Variants in FAM83A observed in about 807,000 individuals in gnomAD.
FAM83A encodes scaffolding CK1 anchoring protein A.
In FAM83A, 21 loss-of-function variants were observed where a neutral mutation model predicts 24.4. That is an observed-to-expected ratio of 0.86 (90% CI 0.61 to 1.24). The LOEUF is 1.24. Among genes scored for constraint, FAM83A ranks in the 50% most tolerant of loss-of-function variants. FAM83A has a pLI of 0.00. For missense variants in FAM83A, 617 were observed against 579.8 expected, an observed-to-expected ratio of 1.06 and a Z score of -0.66; for synonymous variants, 270 against 252.4, an observed-to-expected ratio of 1.07 and a Z score of -0.66.
At chr8:123,181,857 C>G, upstream of FAM83A, 1 of 348,740 alleles carries the variant, frequency 2.9e-6, no homozygotes, top group Non-Finnish European at 5.8e-6. Context: ...ACCACTTGTA[C>G]TGAAATCCTA....
Position 123,209,264 on chromosome 8 carries a change from C to A in FAM83A, c.*1576C>A. 1 of 1,284,684 alleles carries A rather than the reference C, an allele frequency of 7.8e-7. No individual in the cohort carries two copies. The highest frequency in any genetic ancestry group is 9.8e-7 in the Non-Finnish European group (1 of 1,023,338). The allele number at this position is 1,284,684 out of a possible 1,614,324, so 79.6% of individuals were successfully genotyped here. On this transcript the variant is annotated 3_prime_UTR_variant, in exon 4 of 4. Transcript: ENST00000690554. This position sits in a 1 kb window ranked among gnomAD's most constrained non-coding sequence, Gnocchi z 4.7. ...CCTCCTGGTGGCCTCTGACCCCTGA[C>A]GGCCTGTGGCATCCTCCCTAGTCCC...
At chr8:123,195,178 G>C (rs746113845) in intron 3 of FAM83A, among the ~76,000 whole-genome samples, 1 of 152,144 alleles carries the variant, frequency 6.6e-6, no homozygotes, top group African/African-American at 2.4e-5. Flanking sequence ...AGGGCAACTG[G>C]TTACATCTTT....
intron 3 of FAM83A, among the ~76,000 whole-genome samples, chr8:123,203,480 C>T (rs1056055961): frequency 1.4e-5 from 2 of 146,208 alleles, no homozygotes; most frequent in Non-Finnish European, 3.0e-5. Flanking sequence ...CCCAACTACT[C>T]GGGAGGCTGA....
intron 1 of FAM83A, among the ~76,000 whole-genome samples, chr8:123,185,224 G>T (rs546982769): frequency 3.3e-5 from 5 of 152,148 alleles, no homozygotes; most frequent in African/African-American, 1.2e-4. Context: ...CTCCTATGCC[G>T]GACTAAAGTC....
intron 3 of FAM83A, among the ~76,000 whole-genome samples, chr8:123,198,931 G>A (rs1213848132): frequency 1.3e-5 from 2 of 152,052 alleles, no homozygotes; most frequent in Non-Finnish European, 2.9e-5. Context: ...TAGAGACGGG[G>A]GTTTCACTGT....
intron 1 of FAM83A, 68 bp downstream of exon 1, chr8:123,183,404 G>A (rs1823683101): frequency 6.5e-7 from 1 of 1,544,918 alleles, no homozygotes; most frequent in Non-Finnish European, 8.7e-7. Flanking sequence ...ATAGAGCAGG[G>A]AGGGGGGTGC....
At chr8:123,180,141 C>A (rs1025240090), upstream of FAM83A, 2 of 152,150 alleles carry the variant, frequency 1.3e-5, no homozygotes, top group Admixed American at 1.3e-4. Flanking sequence ...GTACAGACAG[C>A]CAGCATGCAG....
chr8:123,188,193 T>C (rs1823865516), intron 1 of FAM83A, among the ~76,000 whole-genome samples: 1 of 151,952 alleles, frequency 6.6e-6, no homozygotes, highest in Non-Finnish European at 1.5e-5. Flanking sequence ...CAGGCATTCC[T>C]GGTTCATGGC....
intron 3 of FAM83A, among the ~76,000 whole-genome samples, chr8:123,195,085 C>G (rs1341847036): frequency 2.6e-5 from 4 of 152,004 alleles, no homozygotes; most frequent in African/African-American, 9.7e-5. Flanking sequence ...AATGAGAGAG[C>G]AATTGAGGAA....
chr8:123,185,949 C>A (rs372784038), intron 1 of FAM83A, among the ~76,000 whole-genome samples: 352 of 152,182 alleles, frequency 2.3e-3, no homozygotes, highest in African/African-American at 8.1e-3. Context: ...TGCCACCGCA[C>A]CAGGCTAATT....
chr8:123,187,357 G>A (rs933266384), intron 1 of FAM83A, among the ~76,000 whole-genome samples: 4 of 152,132 alleles, frequency 2.6e-5, no homozygotes, highest in African/African-American at 9.7e-5. Context: ...CTTATCCCAT[G>A]TGGGGCTGGA....
In FAM83A at chr8:123,189,643, A is replaced by G. The variant is rs137874016; in HGVS notation, c.481-2160A>G. Reference sequence around the variant, plus strand: ...GAAAGACTAATCAGAAACTCAAAAGAATGCAACAGTTTTTGTCTTACTTAT... The same window carrying G: ...GAAAGACTAATCAGAAACTCAAAAGGATGCAACAGTTTTTGTCTTACTTAT... On this transcript the variant is annotated intron_variant, in intron 1 of 3. Transcript: ENST00000690554. 1.8e-3 allele frequency among the ~76,000 whole-genome samples: 276 copies of G among 152,258 alleles called. 1 individual carries two copies. Among genetic ancestry groups the G allele is most frequent in the African/African-American group, 6.3e-3 (263 of 41,562 alleles).
At chr8:123,181,327 T>C (rs901744333), upstream of FAM83A, among the ~76,000 whole-genome samples, 13 of 152,158 alleles carry the variant, frequency 8.5e-5, no homozygotes, top group African/African-American at 2.9e-4. Flanking sequence ...CAGGTGTTCA[T>C]AGCTGTTTTT....
At chr8:123,181,519 A>T (rs1008053651), upstream of FAM83A, 1 of 154,300 alleles carries the variant, frequency 6.5e-6, no homozygotes, top group African/African-American at 2.4e-5. Context: ...TGCCTGTAGC[A>T]CCTGACACTG....
In FAM83A at chr8:123,209,315, A is replaced by G; in HGVS notation, c.*1627A>G. The G allele has an allele frequency of 7.1e-7, 1 of 1,405,470 alleles. No individual in the cohort carries two copies. 87.1% of individuals were successfully genotyped at this position (1,405,470 alleles called of 1,614,324 possible). On this transcript the variant is annotated 3_prime_UTR_variant, in exon 4 of 4. Transcript: ENST00000690554. This position sits in a 1 kb window ranked among gnomAD's most constrained non-coding sequence, Gnocchi z 4.7. ...CTCTGCCCATCCATCCCTCTGTTCCAATTCTCCACTGCTCCCAGCATGATC... is the reference window on the plus strand; with the variant it reads ...CTCTGCCCATCCATCCCTCTGTTCCGATTCTCCACTGCTCCCAGCATGATC...
chr8:123,196,666 A>G (rs1824166661), intron 3 of FAM83A, among the ~76,000 whole-genome samples: 1 of 152,210 alleles, frequency 6.6e-6, no homozygotes. Context: ...ACCTTCCTGC[A>G]CTGTTTTTCG....
chr8:123,185,490 T>G (rs945202076), intron 1 of FAM83A, among the ~76,000 whole-genome samples: 1 of 152,228 alleles, frequency 6.6e-6, no homozygotes, highest in East Asian at 1.9e-4. Context: ...CTGACACCGC[T>G]GATGTCCTTT....
chr8:123,186,889 A>C (rs899851618), intron 1 of FAM83A, among the ~76,000 whole-genome samples: 6 of 152,190 alleles, frequency 3.9e-5, no homozygotes, highest in Non-Finnish European at 7.3e-5. Context: ...CCAGGACGGC[A>C]GAGTGGACCA....
chr8:123,191,914 G>A (rs867668517), exon 2 of FAM83A: 1 of 1,614,220 alleles, frequency 6.2e-7, no homozygotes, highest in African/African-American at 1.3e-5. Flanking sequence ...CCAGGGAGGT[G>A]TGAAGCTCTT....
Sources: allele counts gnomAD v4.1 joint callset (sites outside exome capture counted in the v4.1 genomes callset), GRCh38; gene constraint gnomAD v4.1.1; non-coding constraint Gnocchi (gnomAD v3.1); transcripts MANE v1.5; gene names NCBI Gene and HGNC (gene_info 2026-07-23, HGNC 2026-07-21).